The following ROBO2 variants were observed in gnomAD, a reference collection of about 807,000 sequenced individuals.
ROBO2 encodes the protein roundabout homolog 2.
ROBO2 carries 53 observed loss-of-function variants against 160.8 expected under a neutral mutation model. The ratio of observed to expected loss-of-function variants is 0.33; its 90% CI spans 0.26 to 0.41. The LOEUF is 0.41. ROBO2 is among the 10% of genes least tolerant of loss of function. ROBO2 has a pLI of 1.00. For synonymous variants in ROBO2, 664 were observed against 611.7 expected (o/e 1.09, Z -1.26); for missense variants, 1,577 against 1,722.4 (o/e 0.92, Z 1.49).
At chr3:76,237,120 A>G (rs1168650514) in intron 2 of ROBO2, among the ~76,000 whole-genome samples, 1 of 152,164 alleles carries the variant, frequency 6.6e-6, no homozygotes, top group East Asian at 1.9e-4. Context: ...GTGAAATTTA[A>G]TTAATGTCTT....
intron 2 of ROBO2, among the ~76,000 whole-genome samples, chr3:76,827,588 T>A (rs1024701692): frequency 1.3e-5 from 2 of 152,164 alleles, no homozygotes; most frequent in African/African-American, 4.8e-5. Context: ...GGTTCAAGTT[T>A]AATGACATAG....
At chr3:76,792,445 G>A (rs1170827010) in intron 2 of ROBO2, among the ~76,000 whole-genome samples, 2 of 151,558 alleles carry the variant, frequency 1.3e-5, no homozygotes, top group East Asian at 1.9e-4. Context: ...GATAGATAAC[G>A]AATACTGTAC....
chr3:76,996,137 A>G (rs2060989620), intron 2 of ROBO2, among the ~76,000 whole-genome samples: 1 of 152,168 alleles, frequency 6.6e-6, no homozygotes, highest in Admixed American at 6.5e-5. Context: ...TATAAGGTGT[A>G]AGGAAGGGAT....
At chr3:76,229,136 A>G (rs1559664439) in intron 2 of ROBO2, among the ~76,000 whole-genome samples, 1 of 152,202 alleles carries the variant, frequency 6.6e-6, no homozygotes. Flanking sequence ...GCATTTGGAG[A>G]AAAGTATAAA....
intron 2 of ROBO2, among the ~76,000 whole-genome samples, chr3:76,209,660 TATTCTAGGCATAGGA>T (rs1336378457): frequency 2.0e-5 from 3 of 152,146 alleles, no homozygotes; most frequent in African/African-American, 7.2e-5. Flanking sequence ...CATCAAATAA[TATTCTAGGCATAGGA>T]TGTAATTCTT....
At chr3:77,110,432 G>A (rs1310312375) in intron 2 of ROBO2, among the ~76,000 whole-genome samples, 6 of 151,688 alleles carry the variant, frequency 4.0e-5, no homozygotes, top group Non-Finnish European at 8.8e-5. Context: ...ATTAACATTG[G>A]TCTATTTGAC....
At chr3:77,534,771 T>C (rs1006072919) in intron 6 of ROBO2, among the ~76,000 whole-genome samples, 2 of 152,218 alleles carry the variant, frequency 1.3e-5, no homozygotes, top group Admixed American at 6.5e-5. Flanking sequence ...CTGAGGTTAT[T>C]ATTTTCATCT....
intron 2 of ROBO2, among the ~76,000 whole-genome samples, chr3:76,457,178 C>T (rs973087091): frequency 6.6e-6 from 1 of 152,194 alleles, no homozygotes; most frequent in African/African-American, 2.4e-5. Context: ...AGTCCAAAGT[C>T]TCATCTGAGA....
intron 2 of ROBO2, among the ~76,000 whole-genome samples, chr3:76,547,200 C>T (rs1258786855): frequency 6.6e-6 from 1 of 151,958 alleles, no homozygotes; most frequent in Admixed American, 6.6e-5. Context: ...ATAGCAAATT[C>T]TATAATTTAC....
chr3:76,423,081 G>T (rs2076060796), intron 2 of ROBO2, among the ~76,000 whole-genome samples: 1 of 152,208 alleles, frequency 6.6e-6, no homozygotes, highest in African/African-American at 2.4e-5. Flanking sequence ...GACAGTGAAA[G>T]GCATGATGGC....
Position 76,787,328 on chromosome 3 carries a change from CCACACA to C in ROBO2, c.110-310653_110-310648del, listed in dbSNP as rs60806662. Among the ~76,000 whole-genome samples the C allele has an allele frequency of 8.0e-3, 1,141 of 142,254 alleles. 13 individuals carry two copies. The highest frequency in any genetic ancestry group is 0.027 in the African/African-American group (1,039 of 38,570). 93.3% of individuals were successfully genotyped at this position (142,254 alleles called of 152,430 possible). On this transcript the variant is annotated intron_variant, in intron 2 of 26. Coordinates refer to the ROBO2 transcript ENST00000487694. The stretch of plus-strand genomic sequence containing the variant: ...TTTCCAGTCATTAAATGTAAACACA[CCACACA>C]CACACACACACACACACACACACAC...
At chr3:76,378,051 C>T (rs1035418208) in intron 2 of ROBO2, among the ~76,000 whole-genome samples, 1 of 152,128 alleles carries the variant, frequency 6.6e-6, no homozygotes, top group African/African-American at 2.4e-5. Flanking sequence ...AGAAAAGTCA[C>T]ACATTCTGGC....
chr3:76,851,884 G>T (rs3883885), intron 2 of ROBO2, among the ~76,000 whole-genome samples: 1 of 151,854 alleles, frequency 6.6e-6, no homozygotes, highest in Admixed American at 6.6e-5. Flanking sequence ...TCTGAAGGTT[G>T]GAAGAATTGG....
chr3:77,192,249 T>C (rs1286348509), intron 2 of ROBO2, among the ~76,000 whole-genome samples: 1 of 152,222 alleles, frequency 6.6e-6, no homozygotes, highest in Non-Finnish European at 1.5e-5. Flanking sequence ...CTTATGTGTA[T>C]GTTTTAATAT....
chr3:76,502,111 A>G (rs947086366), intron 2 of ROBO2, among the ~76,000 whole-genome samples: 3 of 147,454 alleles, frequency 2.0e-5, no homozygotes, highest in African/African-American at 2.7e-5. Context: ...CATGACATCA[A>G]TTATGTTTTG....
At chr3:76,623,613 G>C (rs1033020613) in intron 2 of ROBO2, among the ~76,000 whole-genome samples, 1 of 152,138 alleles carries the variant, frequency 6.6e-6, no homozygotes, top group South Asian at 2.1e-4. Flanking sequence ...CAAGTAATTA[G>C]ATACGTCATG....
intron 2 of ROBO2, among the ~76,000 whole-genome samples, chr3:77,300,946 C>G (rs961755142): frequency 6.6e-6 from 1 of 151,814 alleles, no homozygotes; most frequent in African/African-American, 2.4e-5. Context: ...ATCTTGGCCA[C>G]TAACATCCAC....
intron 2 of ROBO2, among the ~76,000 whole-genome samples, chr3:77,426,342 T>A (rs1374051317): frequency 6.6e-6 from 1 of 152,090 alleles, no homozygotes; most frequent in Admixed American, 6.6e-5. Flanking sequence ...TGGGGCCCAC[T>A]GTGGCGGGCA....
At chr3:76,172,024 T>C (rs2073058186) in intron 2 of ROBO2, among the ~76,000 whole-genome samples, 1 of 152,076 alleles carries the variant, frequency 6.6e-6, no homozygotes, top group Non-Finnish European at 1.5e-5. Flanking sequence ...AAATTCCAGG[T>C]CAACTCCTAA....
Sources: gnomAD v4.1 joint callset for allele counts (sites outside exome capture counted in the v4.1 genomes callset) on GRCh38, gnomAD v4.1.1 for gene constraint, MANE v1.5 for transcripts, NCBI Gene and HGNC (gene_info 2026-07-23, HGNC 2026-07-21) for gene names.